The following F13B variants were observed in gnomAD, a reference collection of about 807,000 sequenced individuals.
F13B encodes the protein coagulation factor XIII B chain, also known as TGase.
In F13B, 58 loss-of-function variants were observed where a neutral mutation model predicts 79.8. The ratio of observed to expected loss-of-function variants is 0.73; its 90% CI spans 0.59 to 0.90. The LOEUF (loss-of-function observed/expected upper bound fraction) is 0.90. F13B is among the 40% of genes least tolerant of loss of function. The probability of loss-of-function intolerance (pLI) is 0.00; values close to 1 mark genes in which losing one functional copy is unlikely to be tolerated. For synonymous variants in F13B, 283 were observed against 260.3 expected (o/e 1.09, Z -0.84); for missense variants, 773 against 777.0 (o/e 0.99, Z 0.06).
At position 197,050,701 on chromosome 1, in the gene F13B, A is replaced by T. The variant is rs1655409469; in HGVS notation, c.1734T>A (p.Cys578Ter). ...LDGMWTTPPLCLEPCTLSFTE... is the reference protein window; with the variant it reads ...LDGMWTTPPL ...GGCATATTTAGTAGTACATACCTAA[A>T]CACAATGGTGGTGTAGTCCACATTC... The change falls in exon 10 of 12, where the codon TGT becomes TGA. Residue 578 changes from cysteine (C) to a stop codon, truncating the protein, a stop_gained. Coordinates refer to ENST00000367412, the MANE Select transcript of F13B (RefSeq NM_001994.3). LOFTEE classifies it high-confidence loss of function. The T allele has an allele frequency of 6.2e-7, 1 of 1,612,854 alleles. No homozygotes were observed. Among genetic ancestry groups the T allele is most frequent in the Non-Finnish European group, 8.5e-7 (1 of 1,179,356 alleles).
In F13B at chr1:197,051,189, G is replaced by A. The variant is rs17549360; in HGVS notation, c.1556-310C>T. 0.31 allele frequency among the ~76,000 whole-genome samples: 46,422 copies of A among 152,020 alleles called. 8,926 individuals carry two copies. Among genetic ancestry groups the A allele is most frequent in the Middle Eastern group, 0.45 (133 of 294 alleles). ...CTCCCAAAGTGCTGGGATTACAGGC[G>A]TGAGCCACTGCACCTAGCCATAAAG... On this transcript the variant is annotated intron_variant, in intron 9 of 11. Coordinates refer to ENST00000367412, the MANE Select transcript of F13B (RefSeq NM_001994.3).
intron 10 of F13B, among the ~76,000 whole-genome samples, chr1:197,042,775 C>T (rs904049230): frequency 2.8e-4 from 22 of 78,662 alleles, no homozygotes; most frequent in African/African-American, 7.5e-4. Context: ...GAGCAGGGAT[C>T]GCACCACTGC....
intron 9 of F13B, 32 bp from the exon 10 acceptor site, chr1:197,050,911 A>C: frequency 6.4e-7 from 1 of 1,553,318 alleles, no homozygotes. Context: ...TATACAATGA[A>C]TTGCTATAAT....
At chr1:197,061,496 AG>A (rs1655861873) in intron 3 of F13B, among the ~76,000 whole-genome samples, 1 of 152,174 alleles carries the variant, frequency 6.6e-6, no homozygotes, top group Non-Finnish European at 1.5e-5. Context: ...TCTGTAATAA[AG>A]GAAATAGTGA....
chr1:197,041,438 T>C (rs900744350), intron 10 of F13B, among the ~76,000 whole-genome samples: 1 of 152,174 alleles, frequency 6.6e-6, no homozygotes, highest in Non-Finnish European at 1.5e-5. Context: ...ATTTCTAAAA[T>C]ATCAAATATC....
At chr1:197,048,574 G>A (rs551434369) in intron 10 of F13B, among the ~76,000 whole-genome samples, 6 of 151,912 alleles carry the variant, frequency 3.9e-5, no homozygotes, top group African/African-American at 7.2e-5. Context: ...ACCAAGATAC[G>A]AAGATTTAGT....
At chr1:197,054,736 C>CA (rs941645610) in intron 8 of F13B, among the ~76,000 whole-genome samples, 3 of 151,632 alleles carry the variant, frequency 2.0e-5, no homozygotes, top group East Asian at 1.9e-4. Context: ...GCCTGCTTAA[C>CA]AAAAAATGTC....
At position 197,039,406 on chromosome 1, in the gene F13B, A is replaced by G; in HGVS notation, c.1958T>C (p.Leu653Pro). The G allele has an allele frequency of 6.2e-7, 1 of 1,610,096 alleles. No homozygotes were observed. The highest frequency in any genetic ancestry group is 1.1e-5 in the South Asian group (1 of 90,372). Residue 653 changes from leucine to proline, a missense_variant, in exon 12 of 12, where the codon CTG (leucine) becomes CCG (proline). Coordinates refer to ENST00000367412, the MANE Select transcript of F13B (RefSeq NM_001994.3). ...YPRCIPRQST[L>P]SYQEPLRT The stretch of plus-strand genomic sequence containing the variant: ...TGTTCTTAAGGGTTCTTGATAAGAC[A>G]GAGTGCTTGAGGGGAAAAAGAGAGA...
At chr1:197,065,995 C>CT (rs766666193) in intron 1 of F13B, among the ~76,000 whole-genome samples, 45,578 of 121,634 alleles carry the variant, frequency 0.37, 8,539 homozygotes, top group Non-Finnish European at 0.51. Context: ...AAGCAGCTTA[C>CT]TTTTTTTTTT....
intron 1 of F13B, among the ~76,000 whole-genome samples, chr1:197,064,291 A>C (rs1345990633): frequency 6.6e-6 from 1 of 152,194 alleles, no homozygotes; most frequent in Non-Finnish European, 1.5e-5. Flanking sequence ...CATATTACCC[A>C]ATAAAAAAAG....
In F13B at chr1:197,040,656, A is replaced by G; in HGVS notation, c.1818T>C (p.Ile606=). The change falls in exon 11 of 12, where the codon ATT becomes ATC. Residue 606 remains isoleucine, a synonymous_variant. Transcript: ENST00000367412. Reference sequence around the variant, plus strand: ...TAAACTCAATATATTCACCATGCAAAATGTGTGGTCTATTGTCAAAATCCC... The same window carrying G: ...TAAACTCAATATATTCACCATGCAAGATGTGTGGTCTATTGTCAAAATCCC... ...LKWDFDNRPH[I]LHGEYIEFIC... is the part of the protein sequence containing the mutation. 6.2e-7 allele frequency: 1 copy of G among 1,613,010 alleles called. No individual in the cohort carries two copies. The highest frequency in any genetic ancestry group is 1.1e-5 in the South Asian group (1 of 91,042).
Position 197,062,853 on chromosome 1 carries a change from T to C in F13B, c.265+4A>G, listed in dbSNP as rs754841059. The C allele has an allele frequency of 6.2e-7, 1 of 1,613,648 alleles. No homozygotes were observed. The highest frequency in any genetic ancestry group is 8.5e-7 in the Non-Finnish European group (1 of 1,179,622). ...ACATTGAGTGACATATCCAGCTGAC[T>C]TACTGAAGCACCTTGGCTCTGGAGA... On this transcript the variant is annotated splice_donor_region_variant and intron_variant, in intron 2 of 11. Transcript: ENST00000367412.
intron 10 of F13B, among the ~76,000 whole-genome samples, chr1:197,042,280 C>A (rs756702741): frequency 7.2e-5 from 11 of 152,010 alleles, no homozygotes; most frequent in Non-Finnish European, 1.6e-4. Context: ...AAAATGAAGT[C>A]GAATAGCACT....
At chr1:197,050,613 A>T in intron 10 of F13B, 84 bp downstream of exon 10, 1 of 1,165,572 alleles carries the variant, frequency 8.6e-7, no homozygotes, top group Non-Finnish European at 1.3e-6. Flanking sequence ...ATAGCATTAT[A>T]TTAGTGTTAT....
At chr1:197,050,626 TAACTC>T in intron 10 of F13B, 66 bp downstream of exon 10, 1 of 1,369,688 alleles carries the variant, frequency 7.3e-7, no homozygotes, top group Non-Finnish European at 1.0e-6. Context: ...AGTGTTATGT[TAACTC>T]AAAAATGACA....
At position 197,057,054 on chromosome 1, in the gene F13B, G is replaced by T. The variant is rs565327540; in HGVS notation, c.1130C>A (p.Thr377Asn). The T allele has an allele frequency of 1.9e-6, 3 of 1,613,730 alleles. No homozygotes were observed. The East Asian group carries it at 6.7e-5, about 36-fold the overall frequency. Residue 377 changes from threonine to asparagine, a missense_variant, in exon 7 of 12, where the codon ACT (threonine) becomes AAT (asparagine). Transcript: ENST00000367412. ...AAGTGTCCATTTTCCACGATTACAA[G>T]TTATCTCATTCGATCCATGGAGAAG... ...GYLLHGSNEI[T>N]CNRGKWTLPP...
Position 197,061,022 on chromosome 1 carries a change from T to A in F13B, c.505A>T (p.Thr169Ser). Residue 169 changes from threonine (T) to serine (S), a missense_variant, in exon 4 of 12, where the codon ACA becomes TCA. Transcript: ENST00000367412. ...YNGNYSTTQK[T>S]FKVKDKVQYE... ...TGTACTTTGTCCTTCACTTTGAATGTTTTCTGTGTTGTGGAATAATTTCCA... is the reference window on the plus strand; with the variant it reads ...TGTACTTTGTCCTTCACTTTGAATGATTTCTGTGTTGTGGAATAATTTCCA... The A allele has an allele frequency of 1.2e-6, 2 of 1,604,528 alleles. No homozygotes were observed. Among genetic ancestry groups the A allele is most frequent in the Non-Finnish European group, 1.7e-6 (2 of 1,172,246 alleles).
At chr1:197,054,331 A>C (rs560351204) in intron 8 of F13B, among the ~76,000 whole-genome samples, 1 of 152,218 alleles carries the variant, frequency 6.6e-6, no homozygotes, top group South Asian at 2.1e-4. Context: ...TATCAACCAA[A>C]GCATCAAAAA....
At chr1:197,064,293 TA>T (rs553959856) in intron 1 of F13B, among the ~76,000 whole-genome samples, 3 of 151,842 alleles carry the variant, frequency 2.0e-5, no homozygotes, top group East Asian at 1.9e-4. Flanking sequence ...TATTACCCAA[TA>T]AAAAAAGCAC....
Sources: gnomAD v4.1 joint callset for allele counts (sites outside exome capture counted in the v4.1 genomes callset) on GRCh38, gnomAD v4.1.1 for gene constraint, MANE v1.5 for transcripts, NCBI Gene and HGNC (gene_info 2026-07-23, HGNC 2026-07-21) for gene names.